Variants in TOM1L1 observed in about 807,000 individuals in gnomAD.
The protein encoded by TOM1L1 is target of myb1 like 1 membrane trafficking protein.
In TOM1L1, 64 loss-of-function variants were observed where a neutral mutation model predicts 63.4. The observed-to-expected ratio is 1.01, with a 90% CI of 0.83 to 1.24. The LOEUF (loss-of-function observed/expected upper bound fraction) is 1.24. Ranked by LOEUF, TOM1L1 falls within the 50% of genes most tolerant of loss-of-function variation. The pLI is 0.00. For missense variants in TOM1L1, 536 were observed against 567.0 expected, an observed-to-expected ratio of 0.95 and a Z score of 0.55; for synonymous variants, 166 against 194.4, an observed-to-expected ratio of 0.85 and a Z score of 1.22.
At chr17:54,926,178 A>G (rs1280126452) in intron 7 of TOM1L1, among the ~76,000 whole-genome samples, 1 of 152,152 alleles carries the variant, frequency 6.6e-6, no homozygotes, top group Non-Finnish European at 1.5e-5. Flanking sequence ...CAGTAGACAC[A>G]TTTCCCCACC....
At chr17:54,947,452 C>G in intron 12 of TOM1L1, 140 bp downstream of exon 12, 1 of 942,876 alleles carries the variant, frequency 1.1e-6, no homozygotes, top group Non-Finnish European at 1.6e-6. Context: ...TGGTAAGGAT[C>G]AAAATTTTTT....
intron 14 of TOM1L1, chr17:54,954,797 C>T (rs1178910414): frequency 3.3e-5 from 5 of 152,222 alleles, no homozygotes; most frequent in African/African-American, 1.2e-4. Context: ...TTCTGCATTT[C>T]ATCTGCAAGG....
chr17:54,936,681 A>G lies in TOM1L1; in HGVS notation c.887A>G (p.Gln296Arg). 6.2e-7 allele frequency: 1 copy of G among 1,608,244 alleles called. No individual in the cohort carries two copies. The highest frequency in any genetic ancestry group is 1.1e-5 in the South Asian group (1 of 89,634). ...FTRNQQRILE[Q>R]NKNQKEATNT... ...AGAAACCAACAAAGGATTTTGGAGC[A>G]AAATAAGAACCAGAAGGAAGCCACC... is the stretch of plus-strand genomic sequence containing the variant. The change falls in exon 9 of 16, where the codon CAA becomes CGA. Residue 296 changes from glutamine (Q) to arginine (R), a missense_variant. Coordinates refer to ENST00000575882, the MANE Select transcript of TOM1L1 (RefSeq NM_005486.3).
intron 7 of TOM1L1, among the ~76,000 whole-genome samples, chr17:54,924,283 C>CTTTTTTTTTTTT (rs35210443): frequency 1.5e-5 from 2 of 137,538 alleles, no homozygotes; most frequent in Non-Finnish European, 3.1e-5. Context: ...TTTCTTTTTT[C>CTTTTTTTTTTTT]TTTTTTTTTT....
At position 54,936,701 on chromosome 17, in the gene TOM1L1, G is replaced by T. The variant is rs2048952676; in HGVS notation, c.907G>T (p.Ala303Ser). 6.2e-7 allele frequency: 1 copy of T among 1,607,490 alleles called. No individual in the cohort carries two copies. The highest frequency in any genetic ancestry group is 8.5e-7 in the Non-Finnish European group (1 of 1,177,972). ...GGAGCAAAATAAGAACCAGAAGGAA[G>T]CCACCAATGTAAGTGATGAGAAATG... ...ILEQNKNQKE[A>S]TNTTSEPSAP... The change falls in exon 9 of 16, where the codon GCC (alanine) becomes TCC (serine). Residue 303 changes from alanine to serine, a missense_variant. Physicochemically the swap from Ala to Ser is moderately conservative, Grantham distance 99. Coordinates refer to ENST00000575882, the MANE Select transcript of TOM1L1 (RefSeq NM_005486.3).
intron 11 of TOM1L1, among the ~76,000 whole-genome samples, chr17:54,941,464 T>G (rs2332313): frequency 0.63 from 95,931 of 151,462 alleles, 31,431 homozygotes; most frequent in African/African-American, 0.81. Context: ...CAGTATCTTC[T>G]GTTGGCTACC....
At chr17:54,955,557 T>A (rs2049457174) in intron 14 of TOM1L1, among the ~76,000 whole-genome samples, 1 of 152,164 alleles carries the variant, frequency 6.6e-6, no homozygotes, top group African/African-American at 2.4e-5. Flanking sequence ...AGACTTCATA[T>A]TCATTCAGGC....
chr17:54,903,425 C>T (rs868664196), intron 1 of TOM1L1, among the ~76,000 whole-genome samples: 6 of 152,266 alleles, frequency 3.9e-5, no homozygotes, highest in Middle Eastern at 3.2e-3. Flanking sequence ...TCTCTGAAAG[C>T]CAGGCAGGCG....
chr17:54,935,241 A>C (rs556175996), intron 8 of TOM1L1, among the ~76,000 whole-genome samples: 2 of 151,782 alleles, frequency 1.3e-5, no homozygotes, highest in South Asian at 4.2e-4. Flanking sequence ...TTATAGTCAA[A>C]GGGGGTTGTT....
In TOM1L1 at chr17:54,949,571, TG is replaced by T. The variant is rs1337605187; in HGVS notation, c.1237del (p.Ala413GlnfsTer19). 3 of 1,613,940 alleles carry T rather than the reference TG, an allele frequency of 1.9e-6. No individual in the cohort carries two copies. Among genetic ancestry groups the T allele is most frequent in the Non-Finnish European group, 2.5e-6 (3 of 1,179,968 alleles). Reference sequence around the variant, plus strand: ...TACAGCCAGTTAGTCTACAAACCATTGCAGCAGCACCATCAAACCAGAGTCT... The same window carrying T: ...TACAGCCAGTTAGTCTACAAACCATTCAGCAGCACCATCAAACCAGAGTCT... ...FLQPVSLQTI[A>X]AAPSNQSLPP... On this transcript the variant is annotated frameshift_variant, in exon 13 of 16. Coordinates refer to ENST00000575882, the MANE Select transcript of TOM1L1 (RefSeq NM_005486.3). LOFTEE classifies it high-confidence loss of function.
At chr17:54,952,101 A>G (rs1477210291) in intron 14 of TOM1L1, 1 of 152,146 alleles carries the variant, frequency 6.6e-6, no homozygotes, top group African/African-American at 2.4e-5. Context: ...CTACAGTTGA[A>G]ATTTTTCTAA....
intron 12 of TOM1L1, among the ~76,000 whole-genome samples, chr17:54,948,032 C>T (rs2049148486): frequency 6.6e-6 from 1 of 152,178 alleles, no homozygotes; most frequent in Non-Finnish European, 1.5e-5. Context: ...CTCTTTGCTG[C>T]ATAGGTCAAA....
At chr17:54,922,820 C>G (rs907673160) in intron 7 of TOM1L1, among the ~76,000 whole-genome samples, 1 of 152,078 alleles carries the variant, frequency 6.6e-6, no homozygotes, top group Admixed American at 6.6e-5. Flanking sequence ...CCATGTTGTT[C>G]AAGGTTCAAC....
At chr17:54,950,678 G>T (rs2049209220) in intron 14 of TOM1L1, among the ~76,000 whole-genome samples, 2 of 152,148 alleles carry the variant, frequency 1.3e-5, no homozygotes, top group Admixed American at 6.5e-5. Context: ...GTGACTGAAG[G>T]TTACCCCCAA....
At chr17:54,958,278 T>C (rs1331104603) in intron 14 of TOM1L1, 1 of 152,258 alleles carries the variant, frequency 6.6e-6, no homozygotes, top group Non-Finnish European at 1.5e-5. Context: ...GAAAACTAGA[T>C]AATGGATTGG....
intron 14 of TOM1L1, chr17:54,954,983 C>T (rs2049421158): frequency 6.6e-6 from 1 of 152,152 alleles, no homozygotes; most frequent in Admixed American, 6.5e-5. Context: ...ATATCATTTG[C>T]TTTTTGGTCA....
At chr17:54,927,315 C>T (rs553814412) in intron 7 of TOM1L1, among the ~76,000 whole-genome samples, 4 of 152,206 alleles carry the variant, frequency 2.6e-5, no homozygotes, top group African/African-American at 9.6e-5. Flanking sequence ...CACATTTCTT[C>T]GTGTTTTGGC....
intron 13 of TOM1L1, 118 bp from the exon 14 acceptor site, chr17:54,949,927 T>C: frequency 1.3e-6 from 1 of 783,798 alleles, no homozygotes; most frequent in Non-Finnish European, 2.1e-6. Context: ...GACACCAGTC[T>C]GTTTTGGTTG....
intron 14 of TOM1L1, chr17:54,957,039 T>C (rs1193165515): frequency 6.6e-6 from 1 of 152,260 alleles, no homozygotes; most frequent in Non-Finnish European, 1.5e-5. Context: ...TGTCATGAAC[T>C]GGTTTAAACC....
Sources: allele counts gnomAD v4.1 joint callset (sites outside exome capture counted in the v4.1 genomes callset), GRCh38; gene constraint gnomAD v4.1.1; transcripts MANE v1.5; gene names NCBI Gene and HGNC (gene_info 2026-07-23, HGNC 2026-07-21).